Variants in PPIL6 observed in about 807,000 individuals in gnomAD.
The protein encoded by PPIL6 is peptidylprolyl isomerase like 6.
In PPIL6, 39 loss-of-function variants were observed where a neutral mutation model predicts 36.8. The observed-to-expected ratio is 1.06, with a 90% confidence interval of 0.82 to 1.38. The LOEUF (loss-of-function observed/expected upper bound fraction) is 1.38, where lower values mean the gene tolerates loss of function less well. Among genes scored for constraint, PPIL6 ranks in the 40% most tolerant of loss-of-function variants. The pLI, the probability that PPIL6 is intolerant of heterozygous loss-of-function variation, is 0.00. For missense variants in PPIL6, 368 were observed against 379.1 expected, an observed-to-expected ratio of 0.97 and a Z score of 0.24; for synonymous variants, 123 against 134.1, an observed-to-expected ratio of 0.92 and a Z score of 0.57.
In PPIL6 at chr6:109,433,063, T is replaced by C. The variant is rs1774245006; in HGVS notation, c.232-1718A>G. 2.0e-5 allele frequency among the ~76,000 whole-genome samples: 3 copies of C among 151,422 alleles called. No homozygotes were observed. The South Asian group carries it at 6.3e-4, about 32-fold the overall frequency. On this transcript the variant is annotated intron_variant, in intron 2 of 7. Coordinates refer to ENST00000521072, the MANE Select transcript of PPIL6 (RefSeq NM_173672.5). ...TTTTACAGGACCCAAAACTTTCTTT[T>C]TTTTTTTTTTTGAGACCGAGTCTTG...
chr6:109,400,226 TG>T (rs1772474933), intron 6 of PPIL6, 56 bp from the exon 7 acceptor site: 2 of 1,470,204 alleles, frequency 1.4e-6, no homozygotes, highest in Non-Finnish European at 1.9e-6. Context: ...CTCAATTTAT[TG>T]TAACATATAA....
chr6:109,431,004 T>A (rs543492749), intron 3 of PPIL6, among the ~76,000 whole-genome samples, 153 bp downstream of exon 3: 10 of 152,226 alleles, frequency 6.6e-5, no homozygotes, highest in Non-Finnish European at 1.3e-4. Context: ...ACCACCATAT[T>A]ACAATCTTTT....
At chr6:109,436,681 A>G (rs1582606586) in intron 1 of PPIL6, among the ~76,000 whole-genome samples, 2 of 152,340 alleles carry the variant, frequency 1.3e-5, no homozygotes, top group East Asian at 3.9e-4. Context: ...AGATCACGCC[A>G]CTGCACTCCA....
In PPIL6 at chr6:109,413,536, TA is replaced by T. The variant is rs2115226198; in HGVS notation, c.688+5650del. Among the ~76,000 whole-genome samples, 1 of 152,346 alleles carries T rather than the reference TA, an allele frequency of 6.6e-6. No homozygotes were observed. Among genetic ancestry groups the T allele is most frequent in the African/African-American group, 2.4e-5 (1 of 41,570 alleles). On this transcript the variant is annotated intron_variant, in intron 6 of 7. Coordinates refer to ENST00000521072, the MANE Select transcript of PPIL6 (RefSeq NM_173672.5). The surrounding 1 kb of genome is among the most constrained non-coding windows in gnomAD (Gnocchi z 4.6). Reference sequence around the variant, plus strand: ...GGAATGTAAACTAATGTGCAACCACTATGGAGAACAGTTTGGAGGTTCCTCA... The same window carrying T: ...GGAATGTAAACTAATGTGCAACCACTTGGAGAACAGTTTGGAGGTTCCTCA...
intron 6 of PPIL6, among the ~76,000 whole-genome samples, chr6:109,406,712 C>G (rs1772811490): frequency 6.6e-6 from 1 of 152,162 alleles, no homozygotes; most frequent in Non-Finnish European, 1.5e-5. Flanking sequence ...CCTATACATA[C>G]CACTTTTCAT....
At chr6:109,441,139 C>A, upstream of PPIL6, 1 of 1,614,194 alleles carries the variant, frequency 6.2e-7, no homozygotes, top group Non-Finnish European at 8.5e-7. Flanking sequence ...CCAACTTCTC[C>A]CTGCGACTGC....
chr6:109,422,022 G>T (rs1205687653), intron 5 of PPIL6, among the ~76,000 whole-genome samples: 1 of 152,114 alleles, frequency 6.6e-6, no homozygotes, highest in African/African-American at 2.4e-5. Context: ...GACTATAGGC[G>T]CATGCCACCA....
At chr6:109,438,824 T>C (rs1258614584) in intron 1 of PPIL6, among the ~76,000 whole-genome samples, 2 of 152,284 alleles carry the variant, frequency 1.3e-5, no homozygotes, top group Admixed American at 1.3e-4. Context: ...CCCGATTTCG[T>C]GATCTGCCCG....
intron 7 of PPIL6, among the ~76,000 whole-genome samples, chr6:109,398,216 C>T (rs116647873): frequency 0.072 from 10,980 of 152,198 alleles, 459 homozygotes; most frequent in South Asian, 0.13. Context: ...AATGCATTTT[C>T]GAAATCAGAA....
In PPIL6 at chr6:109,413,333, T is replaced by A. The variant is rs1353713287; in HGVS notation, c.688+5854A>T. On this transcript the variant is annotated intron_variant, in intron 6 of 7. Transcript: ENST00000521072. The surrounding 1 kb of genome is among the most constrained non-coding windows in gnomAD (Gnocchi z 4.6). ...AACAGACATTTCTCAAAAGAAGACA[T>A]ACAAATGGCAAACAGGCATATGAAA... 6.6e-6 allele frequency among the ~76,000 whole-genome samples: 1 copy of A among 152,084 alleles called. No homozygotes were observed. Among genetic ancestry groups the A allele is most frequent in the African/African-American group, 2.4e-5 (1 of 41,414 alleles).
rs1772131899 is a variant in PPIL6 at position 109,392,534 on chromosome 6, G to A, written c.*292C>T. ...AGCCTCTCCACATTCCAGACTGGAT[G>A]AAGGGGAAGGGGCAGGACCACTGGC... On this transcript the variant is annotated 3_prime_UTR_variant, in exon 8 of 8. Coordinates refer to ENST00000521072, the MANE Select transcript of PPIL6 (RefSeq NM_173672.5). The A allele has an allele frequency of 4.4e-5, 12 of 270,282 alleles. No individual in the cohort carries two copies. In the South Asian group the frequency reaches 1.2e-3, roughly 27 times the overall value. The allele number at this position is 270,282 out of a possible 1,614,324, so 16.7% of individuals were successfully genotyped here.
chr6:109,401,118 C>T (rs144940096), intron 6 of PPIL6, among the ~76,000 whole-genome samples: 7,327 of 150,372 alleles, frequency 0.049, 493 homozygotes, highest in African/African-American at 0.15. Flanking sequence ...CCTCATGATC[C>T]GCCTGCCTCG....
intron 6 of PPIL6, among the ~76,000 whole-genome samples, chr6:109,402,667 G>A (rs2115205172): frequency 6.6e-6 from 1 of 152,284 alleles, no homozygotes; most frequent in Middle Eastern, 3.4e-3. Flanking sequence ...TTTAAAAGGT[G>A]CAGGTAGTCC....
In PPIL6 at chr6:109,439,829, T is replaced by C. The variant is rs188312538; in HGVS notation, c.135+627A>G. Among the ~76,000 whole-genome samples the C allele has an allele frequency of 4.6e-5, 7 of 152,314 alleles. No individual in the cohort carries two copies. In the East Asian group the frequency reaches 1.4e-3, roughly 29 times the overall value. ...GACATTTCATACATTTCTCCTGCATTTCAGGTTGTAAGTGTGCTGCAGCAT... is the reference window on the plus strand; with the variant it reads ...GACATTTCATACATTTCTCCTGCATCTCAGGTTGTAAGTGTGCTGCAGCAT... On this transcript the variant is annotated intron_variant, in intron 1 of 7. Transcript: ENST00000521072.
At chr6:109,427,066 C>A in intron 4 of PPIL6, 28 bp downstream of exon 4, 1 of 1,598,366 alleles carries the variant, frequency 6.3e-7, no homozygotes, top group Non-Finnish European at 8.6e-7. Context: ...CCTACCCCCA[C>A]AAACTTACAT....
intron 6 of PPIL6, among the ~76,000 whole-genome samples, chr6:109,416,512 C>CT (rs35346449): frequency 0.011 from 1,503 of 139,256 alleles, 14 homozygotes; most frequent in Middle Eastern, 0.072. Context: ...CTTTTTGTGG[C>CT]TTTTTTTTTT....
rs1336950770 is a variant in PPIL6 at position 109,427,007 on chromosome 6, G to A, written c.484-13C>T. Reference sequence around the variant, plus strand: ...CATCACAGTATAGCTACAAAATAAAGACAAAAGGTTTCAAAGATTAAATAT... The same window carrying A: ...CATCACAGTATAGCTACAAAATAAAAACAAAAGGTTTCAAAGATTAAATAT... On this transcript the variant is annotated splice_polypyrimidine_tract_variant and intron_variant, in intron 4 of 7. Transcript: ENST00000521072. 8.1e-6 allele frequency: 13 copies of A among 1,600,922 alleles called. No individual in the cohort carries two copies. Among genetic ancestry groups the A allele is most frequent in the Non-Finnish European group, 1.1e-5 (13 of 1,170,866 alleles).
chr6:109,401,935 G>C (rs1369784527), intron 6 of PPIL6, among the ~76,000 whole-genome samples: 1 of 151,946 alleles, frequency 6.6e-6, no homozygotes, highest in Non-Finnish European at 1.5e-5. Context: ...GTGTTTGCTA[G>C]GATGGTCTCT....
chr6:109,426,815 C>T (rs1773836097), intron 5 of PPIL6, 32 bp downstream of exon 5: 8 of 1,416,480 alleles, frequency 5.6e-6, no homozygotes, highest in Non-Finnish European at 7.6e-6. Context: ...TTTGATATTG[C>T]AATTAACTCG....
Sources: gnomAD v4.1 joint callset for allele counts (sites outside exome capture counted in the v4.1 genomes callset) on GRCh38, gnomAD v4.1.1 for gene constraint, Gnocchi (gnomAD v3.1) non-coding constraint, MANE v1.5 for transcripts, NCBI Gene and HGNC (gene_info 2026-07-23, HGNC 2026-07-21) for gene names.